The following ACTR2 variants were observed in gnomAD, a reference collection of about 807,000 sequenced individuals.
The protein encoded by ACTR2 is actin-related protein 2.
Under a neutral mutation model 50.2 loss-of-function variants are expected in ACTR2, and 5 were observed. The ratio of observed to expected loss-of-function variants is 0.10; its 90% CI spans 0.05 to 0.21. ACTR2 has a LOEUF of 0.21. ACTR2 is among the 10% of genes least tolerant of loss of function. The pLI is 1.00. For missense variants in ACTR2, 180 were observed against 480.6 expected, an observed-to-expected ratio of 0.37 and a Z score of 5.85; for synonymous variants, 140 against 162.9, an observed-to-expected ratio of 0.86 and a Z score of 1.07.
intron 1 of ACTR2, chr2:65,228,288 A>G (rs892399532): frequency 1.0e-5 from 3 of 293,966 alleles, no homozygotes; most frequent in African/African-American, 6.6e-5. Context: ...CGGAAGCGTA[A>G]AAGGCTCGGT....
chr2:65,263,017 T>G (rs116463462), intron 7 of ACTR2, among the ~76,000 whole-genome samples: 1 of 150,850 alleles, frequency 6.6e-6, no homozygotes, highest in Non-Finnish European at 1.5e-5. Context: ...TATATATATA[T>G]AAAACATATT....
intron 3 of ACTR2, among the ~76,000 whole-genome samples, chr2:65,249,944 TTTTTC>T (rs1315883644): frequency 6.6e-6 from 1 of 152,224 alleles, no homozygotes; most frequent in Non-Finnish European, 1.5e-5. Context: ...GGTTTTTTAT[TTTTTC>T]TTTCTTTCTT....
intron 5 of ACTR2, among the ~76,000 whole-genome samples, chr2:65,254,142 G>T (rs550254962): frequency 6.6e-6 from 1 of 152,110 alleles, no homozygotes; most frequent in Non-Finnish European, 1.5e-5. Flanking sequence ...TATTCCTGAG[G>T]AGTGAGTAGA....
chr2:65,238,655 T>TAA (rs34932093), intron 1 of ACTR2, among the ~76,000 whole-genome samples: 59 of 107,850 alleles, frequency 5.5e-4, no homozygotes, highest in Admixed American at 1.8e-3. Context: ...CGAGACTGTC[T>TAA]AAAAAAAAAA....
At chr2:65,250,049 C>G (rs1354123540) in intron 3 of ACTR2, among the ~76,000 whole-genome samples, 1 of 152,134 alleles carries the variant, frequency 6.6e-6, no homozygotes, top group Non-Finnish European at 1.5e-5. Context: ...AAAGCAATTT[C>G]TATATTTTGT....
intron 6 of ACTR2, among the ~76,000 whole-genome samples, chr2:65,260,791 G>A (rs965775655): frequency 1.0e-4 from 15 of 148,560 alleles, no homozygotes; most frequent in African/African-American, 3.7e-4. Context: ...GTGCAGTGGC[G>A]TGATCTTGGC....
intron 7 of ACTR2, among the ~76,000 whole-genome samples, chr2:65,264,134 C>A (rs181885774): frequency 1.9e-4 from 29 of 152,280 alleles, no homozygotes; most frequent in African/African-American, 6.0e-4. Context: ...AGATTCAGTA[C>A]CTTCTCCACA....
At chr2:65,232,756 T>C (rs1031672557) in intron 1 of ACTR2, among the ~76,000 whole-genome samples, 10 of 152,226 alleles carry the variant, frequency 6.6e-5, no homozygotes, top group Admixed American at 3.9e-4. Context: ...TTCTTACCAT[T>C]TGATGACTCA....
intron 7 of ACTR2, among the ~76,000 whole-genome samples, chr2:65,263,022 CATATTTTT>C (rs1044225336): frequency 1.3e-5 from 2 of 150,208 alleles, no homozygotes; most frequent in African/African-American, 4.9e-5. Flanking sequence ...ATATATAAAA[CATATTTTT>C]ATATGTTTAA....
chr2:65,264,065 AAAAG>A (rs1672328087), intron 7 of ACTR2, among the ~76,000 whole-genome samples: 1 of 152,116 alleles, frequency 6.6e-6, no homozygotes, highest in Non-Finnish European at 1.5e-5. Context: ...AAAAAATAAA[AAAAG>A]AAAAGTACAT....
At chr2:65,259,398 G>A (rs1012575792) in intron 6 of ACTR2, among the ~76,000 whole-genome samples, 1 of 151,944 alleles carries the variant, frequency 6.6e-6, no homozygotes, top group Non-Finnish European at 1.5e-5. Flanking sequence ...CTCTAGCCTG[G>A]ACAACAGATG....
chr2:65,261,160 G>C, intron 6 of ACTR2, 87 bp from the exon 7 acceptor site: 1 of 1,353,904 alleles, frequency 7.4e-7, no homozygotes, highest in Non-Finnish European at 1.0e-6. Flanking sequence ...TTACAGAACA[G>C]ATGTATTTAT....
chr2:65,261,161 A>G, intron 6 of ACTR2, 86 bp from the exon 7 acceptor site: 2 of 1,354,298 alleles, frequency 1.5e-6, no homozygotes, highest in South Asian at 1.3e-5. Context: ...TACAGAACAG[A>G]TGTATTTATA....
intron 1 of ACTR2, among the ~76,000 whole-genome samples, chr2:65,231,944 G>A (rs1362457728): frequency 1.3e-5 from 2 of 152,228 alleles, no homozygotes; most frequent in Non-Finnish European, 2.9e-5. Context: ...GGTTGGACAA[G>A]TTTGCCTGGA....
chr2:65,262,581 C>A (rs1255725669), intron 7 of ACTR2, among the ~76,000 whole-genome samples: 2 of 151,974 alleles, frequency 1.3e-5, no homozygotes, highest in African/African-American at 4.8e-5. Flanking sequence ...CCCTCTCTGG[C>A]AATTGTATCG....
chr2:65,259,841 G>A (rs1672231891), intron 6 of ACTR2, among the ~76,000 whole-genome samples: 1 of 152,158 alleles, frequency 6.6e-6, no homozygotes, highest in Admixed American at 6.5e-5. Flanking sequence ...TATTACTTAG[G>A]ACAATCCAGT....
intron 4 of ACTR2, among the ~76,000 whole-genome samples, chr2:65,251,829 G>T (rs1046023543): frequency 6.6e-6 from 1 of 152,194 alleles, no homozygotes; most frequent in African/African-American, 2.4e-5. Context: ...TTTGAGGTGG[G>T]TTTAATGGAG....
chr2:65,228,251 A>G (rs1448066544), intron 1 of ACTR2: 10 of 340,824 alleles, frequency 2.9e-5, no homozygotes, highest in African/African-American at 1.7e-4. Context: ...CTCCGCGCTA[A>G]TGCGGGGGCA....
intron 6 of ACTR2, among the ~76,000 whole-genome samples, chr2:65,259,958 T>C (rs115011586): frequency 0.01 from 1,596 of 152,318 alleles, 32 homozygotes; most frequent in African/African-American, 0.037. Flanking sequence ...AGTCATAATA[T>C]GATACCTGAT....
Sources: allele counts gnomAD v4.1 joint callset (sites outside exome capture counted in the v4.1 genomes callset), GRCh38; gene constraint gnomAD v4.1.1; transcripts MANE v1.5; gene names NCBI Gene and HGNC (gene_info 2026-07-23, HGNC 2026-07-21).